CCDC158: variants seen among roughly 807,000 people sequenced by gnomAD.
CCDC158 encodes the protein coiled-coil domain-containing protein 158.
A neutral mutation model predicts 138.6 loss-of-function variants in CCDC158; 116 were observed. The observed-to-expected ratio is 0.84, with a 90% CI of 0.72 to 0.98. The LOEUF (loss-of-function observed/expected upper bound fraction) is 0.98. CCDC158 is among the 50% of genes least tolerant of loss of function. The pLI, the probability that CCDC158 is intolerant of heterozygous loss-of-function variation, is 0.00. For missense variants in CCDC158, 1,265 were observed against 1,306.1 expected (o/e 0.97, Z 0.48); for synonymous variants, 436 against 442.4 (o/e 0.99, Z 0.18).
chr4:76,381,928 GCCTCAGCC>G (rs1726291559), intron 8 of CCDC158, among the ~76,000 whole-genome samples: 1 of 143,396 alleles, frequency 7.0e-6, no homozygotes, highest in Non-Finnish European at 1.6e-5. Context: ...TGATCTGCCC[GCCTCAGCC>G]TCCCAAAGTG....
At chr4:76,326,561 G>GA (rs987271197) in intron 22 of CCDC158, among the ~76,000 whole-genome samples, 2 of 152,110 alleles carry the variant, frequency 1.3e-5, no homozygotes, top group Middle Eastern at 3.4e-3. Flanking sequence ...TTATCTGCAT[G>GA]AAAAAATCAT....
intron 24 of CCDC158, among the ~76,000 whole-genome samples, chr4:76,322,811 C>T (rs1720154164): frequency 6.6e-6 from 1 of 152,272 alleles, no homozygotes; most frequent in South Asian, 2.1e-4. Flanking sequence ...ATAGTTTTAG[C>T]ATTTTTAGAA....
At chr4:76,351,153 C>G (rs200617141) in intron 17 of CCDC158, 32 bp from the exon 18 acceptor site, 2 of 1,571,274 alleles carry the variant, frequency 1.3e-6, no homozygotes, top group Non-Finnish European at 8.6e-7. Context: ...AGCAAAATAA[C>G]TGCCAGCCTA....
Position 76,344,837 on chromosome 4 carries a change from A to G in CCDC158, c.2664+6159T>C, listed in dbSNP as rs1469793597. On this transcript the variant is annotated intron_variant, in intron 18 of 24. Transcript: ENST00000682701. ...AGATGCAGAAACCGGGAGAGGGTGA[A>G]GGGTCTATGACCAAAGAAGAATTTG... is the stretch of plus-strand genomic sequence containing the variant. 4 of 1,595,754 alleles carry G rather than the reference A, an allele frequency of 2.5e-6. No homozygotes were observed. The African/African-American group carries it at 5.4e-5, about 21-fold the overall frequency.
intron 23 of CCDC158, among the ~76,000 whole-genome samples, chr4:76,324,309 T>C (rs1270969214): frequency 2.0e-5 from 3 of 150,674 alleles, no homozygotes; most frequent in Admixed American, 6.6e-5. Context: ...TGCCTCAGCC[T>C]CCCAAGTAGC....
At chr4:76,347,896 C>A (rs543971022) in intron 18 of CCDC158, among the ~76,000 whole-genome samples, 3 of 151,946 alleles carry the variant, frequency 2.0e-5, no homozygotes, top group African/African-American at 7.3e-5. Context: ...TTATCATGTG[C>A]CAATTTTTAA....
intron 2 of CCDC158, among the ~76,000 whole-genome samples, chr4:76,409,415 C>A (rs1172007765): frequency 2.0e-5 from 3 of 152,078 alleles, no homozygotes; most frequent in Non-Finnish European, 2.9e-5. Flanking sequence ...TTTTAAATCT[C>A]TGAGTAAAAT....
chr4:76,377,651 G>A (rs371891521), intron 9 of CCDC158, among the ~76,000 whole-genome samples: 2 of 152,244 alleles, frequency 1.3e-5, no homozygotes, highest in African/African-American at 4.8e-5. Flanking sequence ...AAAGACACTA[G>A]AACATAAAAA....
At chr4:76,414,792 A>C (rs1388964007) in intron 1 of CCDC158, among the ~76,000 whole-genome samples, 2 of 150,990 alleles carry the variant, frequency 1.3e-5, no homozygotes, top group African/African-American at 4.9e-5. Context: ...TGATTCTGAA[A>C]CCTCCCCAGC....
At chr4:76,414,480 C>G (rs1432121142) in intron 1 of CCDC158, 1 of 152,058 alleles carries the variant, frequency 6.6e-6, no homozygotes, top group Non-Finnish European at 1.5e-5. Flanking sequence ...GGAGAGTTGT[C>G]AAGTACAATA....
At chr4:76,327,001 A>G (rs1475420375) in intron 22 of CCDC158, among the ~76,000 whole-genome samples, 5 of 152,164 alleles carry the variant, frequency 3.3e-5, no homozygotes, top group Non-Finnish European at 7.4e-5. Flanking sequence ...ATATTTTTAT[A>G]ATTCATATTT....
intron 3 of CCDC158, 96 bp from the exon 4 acceptor site, chr4:76,396,582 C>A (rs1455254485): frequency 2.4e-6 from 2 of 830,166 alleles, no homozygotes; most frequent in Non-Finnish European, 3.8e-6. Context: ...CGCGATCTTG[C>A]TCACTGCAAC....
At chr4:76,419,295 C>A (rs1223763494) in intron 1 of CCDC158, among the ~76,000 whole-genome samples, 2 of 152,130 alleles carry the variant, frequency 1.3e-5, no homozygotes, top group African/African-American at 4.8e-5. Flanking sequence ...ATCTCCACTA[C>A]TGTACCCCAC....
At chr4:76,355,655 A>T (rs887685808) in intron 14 of CCDC158, among the ~76,000 whole-genome samples, 7 of 152,152 alleles carry the variant, frequency 4.6e-5, no homozygotes, top group Non-Finnish European at 1.0e-4. Context: ...GGAAACATAC[A>T]TATAATCATG....
At chr4:76,368,899 C>T (rs1724949664) in intron 11 of CCDC158, among the ~76,000 whole-genome samples, 1 of 152,154 alleles carries the variant, frequency 6.6e-6, no homozygotes, top group Non-Finnish European at 1.5e-5. Flanking sequence ...TGAGATAAAG[C>T]TTGACACATT....
chr4:76,351,573 C>T, intron 17 of CCDC158, 147 bp downstream of exon 17: 1 of 611,740 alleles, frequency 1.6e-6, no homozygotes, highest in South Asian at 2.0e-5. Flanking sequence ...TAGTATATAA[C>T]AATGTACACA....
intron 18 of CCDC158, among the ~76,000 whole-genome samples, chr4:76,348,843 A>G (rs1201879508): frequency 6.6e-6 from 1 of 152,222 alleles, no homozygotes; most frequent in African/African-American, 2.4e-5. Context: ...TGAATAAACA[A>G]TTAATACGTG....
intron 16 of CCDC158, chr4:76,352,599 G>T (rs1478428447): frequency 6.6e-6 from 1 of 152,138 alleles, no homozygotes; most frequent in African/African-American, 2.4e-5. Context: ...GAGTTTCTAG[G>T]TGACAGGAAG....
At chr4:76,406,490 A>G (rs1728838384) in intron 2 of CCDC158, among the ~76,000 whole-genome samples, 1 of 152,156 alleles carries the variant, frequency 6.6e-6, no homozygotes, top group Non-Finnish European at 1.5e-5. Flanking sequence ...TATATATTAA[A>G]CACTATACTT....
Sources: allele counts gnomAD v4.1 joint callset (sites outside exome capture counted in the v4.1 genomes callset), GRCh38; gene constraint gnomAD v4.1.1; transcripts MANE v1.5; gene names NCBI Gene and HGNC (gene_info 2026-07-23, HGNC 2026-07-21).